The following MTUS1 variants were observed in gnomAD, a reference collection of about 807,000 sequenced individuals.
MTUS1 encodes the protein microtubule associated scaffold protein 1.
A neutral mutation model predicts 120.8 loss-of-function variants in MTUS1; 109 were observed. That is an observed-to-expected ratio of 0.90 (90% CI 0.77 to 1.06). MTUS1 has a LOEUF of 1.06. Among genes scored for constraint, MTUS1 ranks in the 50% least tolerant of loss-of-function variants. The pLI is 0.00. For synonymous variants in MTUS1, 737 were observed against 550.5 expected (o/e 1.34, Z -4.74); for missense variants, 2,210 against 1,486.3 (o/e 1.49, Z -8.01).
intron 1 of MTUS1, among the ~76,000 whole-genome samples, chr8:17,757,989 T>C (rs775365748): frequency 6.6e-6 from 1 of 152,070 alleles, no homozygotes; most frequent in Non-Finnish European, 1.5e-5. Flanking sequence ...TGTTAACTCT[T>C]TTTACTACTG....
intron 3 of MTUS1, among the ~76,000 whole-genome samples, chr8:17,733,982 T>A (rs946004061): frequency 3.3e-5 from 5 of 152,172 alleles, no homozygotes; most frequent in Admixed American, 2.6e-4. Context: ...CATTATATAA[T>A]CTCCTATATT....
chr8:17,795,410 C>T (rs1485496216), intron 1 of MTUS1, among the ~76,000 whole-genome samples: 1 of 152,114 alleles, frequency 6.6e-6, no homozygotes, highest in African/African-American at 2.4e-5. Context: ...ATGCTTAAGA[C>T]ACAATTTACT....
Position 17,743,595 on chromosome 8 carries a change from T to C in MTUS1, c.2287+9A>G. On this transcript the variant is annotated intron_variant, in intron 3 of 14. Transcript: ENST00000693296. Reference sequence around the variant, plus strand: ...TAACTCATAAACTATTGAACTATTTTATTCTTACCAGAACTGGACACACGC... The same window carrying C: ...TAACTCATAAACTATTGAACTATTTCATTCTTACCAGAACTGGACACACGC... 6.2e-7 allele frequency: 1 copy of C among 1,609,872 alleles called. No homozygotes were observed. Among genetic ancestry groups the C allele is most frequent in the South Asian group, 1.1e-5 (1 of 90,700 alleles).
chr8:17,721,211 T>C (rs2045814467), intron 4 of MTUS1, among the ~76,000 whole-genome samples: 1 of 152,182 alleles, frequency 6.6e-6, no homozygotes, highest in Admixed American at 6.5e-5. Context: ...AGTTAATTCT[T>C]AACATGACCA....
chr8:17,780,521 G>C (rs1032543966), intron 1 of MTUS1, among the ~76,000 whole-genome samples: 3 of 152,092 alleles, frequency 2.0e-5, no homozygotes, highest in African/African-American at 7.2e-5. Context: ...AAGACACCAT[G>C]AATATACCTC....
At position 17,754,328 on chromosome 8, in the gene MTUS1, C is replaced by T. The variant is rs764822261; in HGVS notation, c.1480G>A (p.Val494Ile). The change falls in exon 2 of 15, where the codon GTT (valine) becomes ATT (isoleucine). Residue 494 changes from valine (V) to isoleucine (I), a missense_variant. Transcript: ENST00000693296. ...IKTNTPIGCK[V>I]RKTEIISYPR... ...TAACTTATAATTTCAGTTTTTCTAACTTTGCAGCCTATTGGGGTATTCGTT... is the reference window on the plus strand; with the variant it reads ...TAACTTATAATTTCAGTTTTTCTAATTTTGCAGCCTATTGGGGTATTCGTT... 14 of 1,613,992 alleles carry T rather than the reference C, an allele frequency of 8.7e-6. No homozygotes were observed. Among genetic ancestry groups the T allele is most frequent in the Admixed American group, 3.3e-5 (2 of 59,996 alleles).
intron 7 of MTUS1, among the ~76,000 whole-genome samples, chr8:17,679,364 T>C (rs886432191): frequency 2.7e-5 from 4 of 150,698 alleles, no homozygotes; most frequent in South Asian, 4.2e-4. Flanking sequence ...CGCGTGTGTG[T>C]GTGTGTGTGT....
At chr8:17,707,107 G>C (rs900579775) in intron 6 of MTUS1, among the ~76,000 whole-genome samples, 42 of 152,296 alleles carry the variant, frequency 2.8e-4, no homozygotes, top group Admixed American at 2.5e-3. Flanking sequence ...ATGTTTATGT[G>C]TGGAGGCAAT....
intron 1 of MTUS1, among the ~76,000 whole-genome samples, chr8:17,792,133 T>C (rs931158588): frequency 6.6e-6 from 1 of 152,260 alleles, no homozygotes; most frequent in African/African-American, 2.4e-5. Context: ...AATTCTATAA[T>C]AAAGTATGTC....
Position 17,654,594 on chromosome 8 carries a change from A to T in MTUS1, c.3181T>A (p.Leu1061Met). 1 of 1,614,044 alleles carries T rather than the reference A, an allele frequency of 6.2e-7. No individual in the cohort carries two copies. The highest frequency in any genetic ancestry group is 8.5e-7 in the Non-Finnish European group (1 of 1,179,850). ...GAGGCTTCATAGGCCTTCTTTAGCAATTCAAGTTTCTCTGAGTGGCTAGCT... is the reference window on the plus strand; with the variant it reads ...GAGGCTTCATAGGCCTTCTTTAGCATTTCAAGTTTCTCTGAGTGGCTAGCT... ...IEASHSEKLE[L>M]LKKAYEASLS... is the part of the protein sequence containing the mutation. Residue 1061 changes from leucine (L) to methionine (M), a missense_variant, in exon 10 of 15, where the codon TTG becomes ATG. By Grantham distance (15) the Leu-to-Met change is conservative. Transcript: ENST00000693296.
chr8:17,649,727 A>C, intron 13 of MTUS1, 119 bp downstream of exon 13: 1 of 662,700 alleles, frequency 1.5e-6, no homozygotes, highest in Non-Finnish European at 2.7e-6. Flanking sequence ...TATCTTTTGT[A>C]TAATTTCTAA....
chr8:17,679,409 G>A (rs908872788), intron 7 of MTUS1, among the ~76,000 whole-genome samples: 3 of 151,860 alleles, frequency 2.0e-5, no homozygotes, highest in Non-Finnish European at 4.4e-5. Flanking sequence ...TCTGTAATGG[G>A]AATGGGAACT....
chr8:17,750,171 A>C (rs2048082432), intron 2 of MTUS1, among the ~76,000 whole-genome samples: 1 of 152,226 alleles, frequency 6.6e-6, no homozygotes, highest in South Asian at 2.1e-4. Flanking sequence ...GAATTCATAC[A>C]TTAGGTGAAT....
chr8:17,723,900 C>T, intron 3 of MTUS1, 67 bp from the exon 4 acceptor site: 1 of 1,362,486 alleles, frequency 7.3e-7, no homozygotes, highest in East Asian at 2.3e-5. Context: ...CTTTTTAAGC[C>T]TGTAAACTCA....
At chr8:17,762,165 C>G (rs1167133921) in intron 1 of MTUS1, among the ~76,000 whole-genome samples, 2 of 152,024 alleles carry the variant, frequency 1.3e-5, no homozygotes, top group East Asian at 1.9e-4. Context: ...TGTAATCCCA[C>G]CTACTCAGGA....
Position 17,723,041 on chromosome 8 carries a change from G to A in MTUS1, c.2449+631C>T, listed in dbSNP as rs1465678870. On this transcript the variant is annotated intron_variant, in intron 4 of 14. Transcript: ENST00000693296. ...TTTTATATCCTGTGCTCCTCACTGC[G>A]CCTATCATGGTGTCTGTGCACAGCG... 2.0e-5 allele frequency among the ~76,000 whole-genome samples: 3 copies of A among 152,252 alleles called. 1 individual carries two copies. Among genetic ancestry groups the A allele is most frequent in the East Asian group, 3.9e-4 (2 of 5,180 alleles).
At chr8:17,721,407 A>T (rs1338512289) in intron 4 of MTUS1, among the ~76,000 whole-genome samples, 1 of 152,178 alleles carries the variant, frequency 6.6e-6, no homozygotes, top group Non-Finnish European at 1.5e-5. Flanking sequence ...ATACACACAA[A>T]AACTAGTTAT....
intron 1 of MTUS1, among the ~76,000 whole-genome samples, chr8:17,790,012 A>C (rs753597133): frequency 1.3e-5 from 2 of 152,160 alleles, no homozygotes; most frequent in Non-Finnish European, 2.9e-5. Context: ...CCTGCCGCTC[A>C]GTAGCTTACA....
intron 8 of MTUS1, among the ~76,000 whole-genome samples, chr8:17,664,417 C>T (rs536862577): frequency 5.3e-5 from 8 of 152,042 alleles, no homozygotes; most frequent in South Asian, 4.2e-4. Flanking sequence ...CTTTCCCAGA[C>T]GCTCTGGCCA....
Sources: allele counts gnomAD v4.1 joint callset (sites outside exome capture counted in the v4.1 genomes callset), GRCh38; gene constraint gnomAD v4.1.1; transcripts MANE v1.5; gene names NCBI Gene and HGNC (gene_info 2026-07-23, HGNC 2026-07-21).